The following CACNB2 variants were observed in gnomAD, a reference collection of about 807,000 sequenced individuals.
CACNB2 encodes the protein calcium voltage-gated channel auxiliary subunit beta 2.
A neutral mutation model predicts 73.3 loss-of-function variants in CACNB2; 42 were observed. The observed-to-expected ratio is 0.57, with a 90% CI of 0.45 to 0.74. The LOEUF (loss-of-function observed/expected upper bound fraction) is 0.74, where lower values mean the gene tolerates loss of function less well. Ranked by LOEUF, CACNB2 falls within the 30% of genes least tolerant of loss-of-function variation. CACNB2 has a pLI of 0.00. For synonymous variants in CACNB2, 348 were observed against 310.3 expected, an observed-to-expected ratio of 1.12 and a Z score of -1.28; for missense variants, 940 against 853.0, an observed-to-expected ratio of 1.10 and a Z score of -1.27.
chr10:18,472,636 G>A, intron 3 of CACNB2, among the ~76,000 whole-genome samples: 1 of 152,156 alleles, frequency 6.6e-6, no homozygotes, highest in East Asian at 1.9e-4. Flanking sequence ...GGGAGTGGGT[G>A]GAAGAGCTTT....
At chr10:18,435,648 A>G (rs1444663284) in intron 3 of CACNB2, among the ~76,000 whole-genome samples, 1 of 151,848 alleles carries the variant, frequency 6.6e-6, no homozygotes, top group Admixed American at 6.6e-5. Flanking sequence ...ACAGGCACAC[A>G]CTACCATATC....
At chr10:18,380,184 ATC>A (rs1357517072) in intron 2 of CACNB2, among the ~76,000 whole-genome samples, 6 of 152,190 alleles carry the variant, frequency 3.9e-5, no homozygotes, top group African/African-American at 1.4e-4. Flanking sequence ...TAAAGGTCAT[ATC>A]TCAAGAATGA....
At chr10:18,241,967 T>C (rs1037557465) in intron 2 of CACNB2, among the ~76,000 whole-genome samples, 1 of 152,028 alleles carries the variant, frequency 6.6e-6, no homozygotes, top group African/African-American at 2.4e-5. Context: ...ACAATAACTA[T>C]TCAATTACGT....
At chr10:18,470,500 T>C (rs2048128185) in intron 3 of CACNB2, among the ~76,000 whole-genome samples, 1 of 151,008 alleles carries the variant, frequency 6.6e-6, no homozygotes, top group Admixed American at 6.6e-5. Flanking sequence ...ATATACTGGA[T>C]AGACTATGAT....
intron 2 of CACNB2, among the ~76,000 whole-genome samples, chr10:18,190,319 C>A (rs1157138583): frequency 6.6e-6 from 1 of 152,160 alleles, no homozygotes; most frequent in South Asian, 2.1e-4. Context: ...GGGGTCGCTT[C>A]CAGTCCCTCA....
chr10:18,237,226 A>G (rs1320693979), intron 2 of CACNB2, among the ~76,000 whole-genome samples: 1 of 152,192 alleles, frequency 6.6e-6, no homozygotes, highest in Non-Finnish European at 1.5e-5. Flanking sequence ...TGAGGTCATA[A>G]TCCCCAGTAC....
intron 2 of CACNB2, among the ~76,000 whole-genome samples, chr10:18,364,302 T>G (rs1188712747): frequency 3.1e-5 from 1 of 32,246 alleles, no homozygotes; most frequent in Non-Finnish European, 6.4e-5. Context: ...TTTAACTAAT[T>G]TTTTTTTTTT....
chr10:18,184,649 GTTTTTTTTTT>G (rs201899870), intron 2 of CACNB2, among the ~76,000 whole-genome samples: 2 of 87,774 alleles, frequency 2.3e-5, no homozygotes, highest in East Asian at 3.2e-4. Flanking sequence ...CTCAGACTTT[GTTTTTTTTTT>G]TTTTTTTTTT....
intron 2 of CACNB2, among the ~76,000 whole-genome samples, chr10:18,343,698 G>T (rs1281705520): frequency 1.3e-5 from 2 of 152,214 alleles, no homozygotes; most frequent in Admixed American, 1.3e-4. Context: ...GCAAAGGAAA[G>T]TGATGAGTTG....
Position 18,266,669 on chromosome 10 carries a change from A to G in CACNB2, c.213+115694A>G, listed in dbSNP as rs149448719. Among the ~76,000 whole-genome samples the G allele has an allele frequency of 4.5e-4, 68 of 152,280 alleles. 1 individual carries two copies. Among genetic ancestry groups the G allele is most frequent in the African/African-American group, 1.4e-3 (57 of 41,562 alleles). The stretch of plus-strand genomic sequence containing the variant: ...TTTGCTAGGCCGAGATGAGCAGATA[A>G]CTTGAGGTCAGGAGTTCAGGACCAG... On this transcript the variant is annotated intron_variant, in intron 2 of 13. Coordinates refer to ENST00000324631, the MANE Select transcript of CACNB2 (RefSeq NM_201596.3).
In CACNB2 at chr10:18,330,479, C is replaced by T. The variant is rs567744082; in HGVS notation, c.214-71445C>T. ...CATCCTGAGCATAGCAAGACTCTGTCTCTACAAAACATTGAAAGATTAGCC... is the reference window on the plus strand; with the variant it reads ...CATCCTGAGCATAGCAAGACTCTGTTTCTACAAAACATTGAAAGATTAGCC... On this transcript the variant is annotated intron_variant, in intron 2 of 13. Coordinates refer to ENST00000324631, the MANE Select transcript of CACNB2 (RefSeq NM_201596.3). 6.6e-5 allele frequency among the ~76,000 whole-genome samples: 10 copies of T among 152,054 alleles called. No individual in the cohort carries two copies. The East Asian group carries it at 1.2e-3, about 18-fold the overall frequency.
intron 2 of CACNB2, among the ~76,000 whole-genome samples, chr10:18,251,891 C>G (rs779222423): frequency 6.6e-6 from 1 of 152,098 alleles, no homozygotes; most frequent in East Asian, 1.9e-4. Flanking sequence ...CACCTCCCAC[C>G]AAGTCCCTCC....
intron 1 of CACNB2, among the ~76,000 whole-genome samples, chr10:18,148,616 T>C (rs991991839): frequency 2.6e-5 from 4 of 152,116 alleles, no homozygotes; most frequent in African/African-American, 9.7e-5. Flanking sequence ...ATTCAAGAAG[T>C]TGGATAATGA....
At chr10:18,296,536 G>T (rs1031768010) in intron 2 of CACNB2, among the ~76,000 whole-genome samples, 1 of 152,082 alleles carries the variant, frequency 6.6e-6, no homozygotes, top group African/African-American at 2.4e-5. Context: ...AAACCTGAGA[G>T]ATCACACCAG....
intron 2 of CACNB2, chr10:18,181,765 C>T (rs1309078076): frequency 2.7e-5 from 4 of 149,876 alleles, no homozygotes; most frequent in African/African-American, 9.9e-5. Flanking sequence ...TGGGCGCATG[C>T]AACTATATCC....
intron 3 of CACNB2, among the ~76,000 whole-genome samples, chr10:18,430,285 C>T (rs1301263057): frequency 6.6e-6 from 1 of 152,160 alleles, no homozygotes; most frequent in African/African-American, 2.4e-5. Context: ...CCTCTAGTCA[C>T]ACAGCATGTT....
chr10:18,329,748 C>T (rs1482513795), intron 2 of CACNB2, among the ~76,000 whole-genome samples: 1 of 152,036 alleles, frequency 6.6e-6, no homozygotes. Context: ...TTTTATAGTA[C>T]TTTTATCCCA....
At chr10:18,166,700 G>C (rs1480419959) in intron 2 of CACNB2, among the ~76,000 whole-genome samples, 2 of 152,122 alleles carry the variant, frequency 1.3e-5, no homozygotes, top group Non-Finnish European at 2.9e-5. Context: ...GGTGGCTCTA[G>C]AATGGAGACA....
intron 2 of CACNB2, among the ~76,000 whole-genome samples, chr10:18,315,515 A>AAAAAAC (rs1554791225): frequency 3.4e-4 from 45 of 132,148 alleles, no homozygotes; most frequent in African/African-American, 1.3e-3. Context: ...AAAAAAAAAA[A>AAAAAAC]AAAAAAAAAA....
Sources: allele counts gnomAD v4.1 joint callset (sites outside exome capture counted in the v4.1 genomes callset), GRCh38; gene constraint gnomAD v4.1.1; transcripts MANE v1.5; gene names NCBI Gene and HGNC (gene_info 2026-07-23, HGNC 2026-07-21).